ZNF469: variants seen among roughly 807,000 people sequenced by gnomAD.
ZNF469 encodes zinc finger protein 469.
Under a neutral mutation model 1.0 loss-of-function variants are expected in ZNF469, and 1 was observed. That is an observed-to-expected ratio of 1.00 (90% CI 0.35 to 4.73). The LOEUF (loss-of-function observed/expected upper bound fraction) is 4.73, where lower values mean the gene tolerates loss of function less well. Among genes scored for constraint, ZNF469 ranks in the 30% most tolerant of loss-of-function variants. ZNF469 has a pLI of 0.16. For missense variants in ZNF469, 6,100 were observed against 5,356.3 expected, an observed-to-expected ratio of 1.14 and a Z score of -4.33; for synonymous variants, 2,703 against 2,363.4, an observed-to-expected ratio of 1.14 and a Z score of -4.17.
the ZNF469 span, among the ~76,000 whole-genome samples, chr16:88,372,328 A>ATCC: frequency 2.1e-4 from 11 of 52,346 alleles, no homozygotes; most frequent in African/African-American, 7.7e-4. Context: ...CATCACCATC[A>ATCC]CCACCATCAT....
the ZNF469 span, among the ~76,000 whole-genome samples, chr16:88,218,611 C>T: frequency 1.3e-5 from 2 of 151,174 alleles, no homozygotes; most frequent in African/African-American, 4.9e-5. Flanking sequence ...ATTGATGGGA[C>T]GTATTTCAAA....
the ZNF469 span, among the ~76,000 whole-genome samples, chr16:88,316,610 G>C: frequency 2.0e-5 from 3 of 146,940 alleles, no homozygotes; most frequent in Admixed American, 1.4e-4. Flanking sequence ...GCAGTGACAC[G>C]ATCTTGGCTC....
chr16:88,138,484 C>G, the ZNF469 span, among the ~76,000 whole-genome samples: 1 of 152,208 alleles, frequency 6.6e-6, no homozygotes, highest in African/African-American at 2.4e-5. Context: ...CATCTTCATT[C>G]TACATAAGCC....
At chr16:88,353,825 G>A in the ZNF469 span, among the ~76,000 whole-genome samples, 34 of 152,214 alleles carry the variant, frequency 2.2e-4, no homozygotes, top group Non-Finnish European at 4.6e-4. Context: ...ACCGCCTGGG[G>A]CCTCCGGCAG....
chr16:88,214,416 G>A, the ZNF469 span, among the ~76,000 whole-genome samples: 33 of 151,746 alleles, frequency 2.2e-4, no homozygotes, highest in East Asian at 5.8e-3. Context: ...GAAGAGGGGT[G>A]TTAATGTCCC....
Position 88,435,669 on chromosome 16 carries a change from G to C in ZNF469, c.8199G>C (p.Gly2733=). ...CTGGAGATCGGATGCTGTGTCCAGGGAGGATGGATGGTGCAGCTCTGGGGG... is the reference window on the plus strand; with the variant it reads ...CTGGAGATCGGATGCTGTGTCCAGGCAGGATGGATGGTGCAGCTCTGGGGG... The part of the protein sequence containing the change: ...KPPGDRMLCP[G]RMDGAALGEQ... The change falls in exon 3 of 3, where the codon GGG becomes GGC. Residue 2733 remains glycine, a synonymous_variant. Transcript: ENST00000565624. The C allele has an allele frequency of 6.4e-7, 1 of 1,550,570 alleles. No individual in the cohort carries two copies.
chr16:88,366,011 T>A, the ZNF469 span, among the ~76,000 whole-genome samples: 1 of 152,156 alleles, frequency 6.6e-6, no homozygotes, highest in South Asian at 2.1e-4. Flanking sequence ...GTGTTACAAT[T>A]AAGATAATGT....
Position 88,429,388 on chromosome 16 carries a change from C to A in ZNF469, c.1918C>A (p.His640Asn). Residue 640 changes from histidine to asparagine, a missense_variant, in exon 3 of 3, where the codon CAC (histidine) becomes AAC (asparagine). Transcript: ENST00000565624. ...CTCGGCCTTCTTCCACCCACCCACTCACCCCCAGGAGACGGGCAGCCCCTT... is the reference window on the plus strand; with the variant it reads ...CTCGGCCTTCTTCCACCCACCCACTAACCCCCAGGAGACGGGCAGCCCCTT... ...GPSAFFHPPT[H>N]PQETGSPFPS... 1 of 1,548,850 alleles carries A rather than the reference C, an allele frequency of 6.5e-7. No individual in the cohort carries two copies. Among genetic ancestry groups the A allele is most frequent in the Non-Finnish European group, 8.7e-7 (1 of 1,145,952 alleles).
chr16:88,251,180 T>C, the ZNF469 span, among the ~76,000 whole-genome samples: 1 of 152,118 alleles, frequency 6.6e-6, no homozygotes, highest in Non-Finnish European at 1.5e-5. Flanking sequence ...GCCCGGCCTG[T>C]TTGGTTTTTG....
chr16:88,132,317 T>G, the ZNF469 span, among the ~76,000 whole-genome samples: 2 of 152,256 alleles, frequency 1.3e-5, no homozygotes, highest in Non-Finnish European at 2.9e-5. Flanking sequence ...CCCCATGCCC[T>G]GGCCTTCGGC....
chr16:88,433,913 G>C lies in ZNF469; in HGVS notation c.6443G>C (p.Gly2148Ala), dbSNP rs761477298. The C allele has an allele frequency of 1.3e-6, 2 of 1,549,324 alleles. No homozygotes were observed. Among genetic ancestry groups the C allele is most frequent in the South Asian group, 1.2e-5 (1 of 84,032 alleles). Residue 2148 changes from glycine (G) to alanine (A), a missense_variant, in exon 3 of 3, where the codon GGG becomes GCG. By Grantham distance (60) the Gly-to-Ala change is moderately conservative (BLOSUM62 0). Transcript: ENST00000565624. ...SPSRAQGGLGGQLPASPSCRD... is the reference protein window; with the variant it reads ...SPSRAQGGLGAQLPASPSCRD... ...TCCAGGGCCCAAGGTGGGCTGGGGG[G>C]GCAGCTGCCAGCATCTCCGTCCTGC...
chr16:88,438,738 G>C lies in ZNF469; in HGVS notation c.11268G>C (p.Gln3756His). 1.3e-6 allele frequency: 2 copies of C among 1,550,062 alleles called. No individual in the cohort carries two copies. Among genetic ancestry groups the C allele is most frequent in the South Asian group, 2.4e-5 (2 of 84,032 alleles). Residue 3756 changes from glutamine (Q) to histidine (H), a missense_variant, in exon 3 of 3, where the codon CAG (glutamine) becomes CAC (histidine). Physicochemically the swap from Gln to His is conservative, Grantham distance 24. Transcript: ENST00000565624. The part of the protein sequence containing the change: ...GGSQPQPASG[Q>H]LQSETATTPA... ...GCCAGCCCCAGCCAGCCAGCGGGCA[G>C]CTCCAGAGCGAGACAGCCACCACCC...
At chr16:88,425,105 G>C (rs997160250) in intron 2 of ZNF469, among the ~76,000 whole-genome samples, 1 of 152,216 alleles carries the variant, frequency 6.6e-6, no homozygotes, top group Non-Finnish European at 1.5e-5. Flanking sequence ...GGCAGCCGCT[G>C]AGCCAGCAGG....
At chr16:88,255,001 G>T in the ZNF469 span, among the ~76,000 whole-genome samples, 1 of 152,088 alleles carries the variant, frequency 6.6e-6, no homozygotes, top group Non-Finnish European at 1.5e-5. Flanking sequence ...ATAATCTTTT[G>T]ACATTTTCAG....
chr16:88,168,767 G>A, the ZNF469 span, among the ~76,000 whole-genome samples: 2 of 152,234 alleles, frequency 1.3e-5, no homozygotes. This position sits in a 1 kb window ranked among gnomAD's most constrained non-coding sequence, Gnocchi z 4.3. Context: ...GCCTTCTGCA[G>A]AGCAAACTGG....
upstream of ZNF469, among the ~76,000 whole-genome samples, chr16:88,381,414 A>G (rs577913956): frequency 2.0e-5 from 3 of 151,134 alleles, no homozygotes; most frequent in East Asian, 2.0e-4. Flanking sequence ...ACACACAGAC[A>G]TGCACTCTCT....
chr16:88,163,970 TGGATGAATGATTGGGTAGATGGGTG>T, the ZNF469 span, among the ~76,000 whole-genome samples: 1 of 148,528 alleles, frequency 6.7e-6, no homozygotes, highest in East Asian at 2.0e-4. Flanking sequence ...GCGGGGTAAG[TGGATGAATGATTGGGTAGATGGGTG>T]GGTAGATATA....
chr16:88,275,130 T>A, the ZNF469 span, among the ~76,000 whole-genome samples: 1 of 152,126 alleles, frequency 6.6e-6, no homozygotes, highest in Non-Finnish European at 1.5e-5. Context: ...TGGAAACGAT[T>A]AATTAATTAG....
At chr16:88,377,129 G>A in the ZNF469 span, among the ~76,000 whole-genome samples, 2 of 152,378 alleles carry the variant, frequency 1.3e-5, no homozygotes, top group East Asian at 3.9e-4. Context: ...CCACTCCTGT[G>A]TCTTCTGCAC....
Sources: allele counts gnomAD v4.1 joint callset (sites outside exome capture counted in the v4.1 genomes callset), GRCh38; gene constraint gnomAD v4.1.1; non-coding constraint Gnocchi (gnomAD v3.1); transcripts MANE v1.5; gene names NCBI Gene and HGNC (gene_info 2026-07-23, HGNC 2026-07-21).